DPP10: variants seen among roughly 807,000 people sequenced by gnomAD.
DPP10 encodes the protein inactive dipeptidyl peptidase 10.
In DPP10, 33 loss-of-function variants were observed where a neutral mutation model predicts 120.9. The observed-to-expected ratio is 0.27, with a 90% CI of 0.21 to 0.37. The LOEUF is 0.37. Among genes scored for constraint, DPP10 ranks in the 10% least tolerant of loss-of-function variants. DPP10 has a pLI of 1.00. For missense variants in DPP10, 816 were observed against 942.8 expected, an observed-to-expected ratio of 0.87 and a Z score of 1.76; for synonymous variants, 337 against 326.1, an observed-to-expected ratio of 1.03 and a Z score of -0.36.
intron 1 of DPP10, among the ~76,000 whole-genome samples, chr2:115,024,890 C>T (rs1703350401): frequency 6.8e-6 from 1 of 147,484 alleles, no homozygotes; most frequent in African/African-American, 2.5e-5. Flanking sequence ...TTCCAATTAC[C>T]CTAATTTCAT....
At position 115,739,270 on chromosome 2, in the gene DPP10, A is replaced by G. The variant is rs950924213; in HGVS notation, c.698-469A>G. On this transcript the variant is annotated intron_variant, in intron 8 of 25. Transcript: ENST00000410059. The stretch of plus-strand genomic sequence containing the variant: ...CAAAAAAGTGGATAGTGGATCTTGA[A>G]TTAAATGAAAGATACCCAGTATACT... 1.3e-4 allele frequency among the ~76,000 whole-genome samples: 20 copies of G among 152,190 alleles called. No homozygotes were observed. The East Asian group carries it at 3.7e-3, about 28-fold the overall frequency.
chr2:115,228,590 A>ATTT (rs1442795859), intron 1 of DPP10, among the ~76,000 whole-genome samples: 45 of 150,122 alleles, frequency 3.0e-4, no homozygotes, highest in African/African-American at 6.6e-4. Context: ...TTTTTTTTTA[A>ATTT]AAAATTTAGT....
intron 19 of DPP10, among the ~76,000 whole-genome samples, chr2:115,803,086 A>C (rs13382812): frequency 2.0e-3 from 298 of 152,256 alleles, no homozygotes; most frequent in African/African-American, 6.8e-3. Flanking sequence ...GTAGGTCACT[A>C]AGGACTTGCT....
intron 3 of DPP10, among the ~76,000 whole-genome samples, chr2:115,467,532 A>G (rs556923758): frequency 6.6e-6 from 1 of 151,660 alleles, no homozygotes; most frequent in South Asian, 2.1e-4. Context: ...AGCCGAGATC[A>G]CACCATTGCA....
In DPP10 at chr2:115,266,616, G is replaced by A. The variant is rs147781698; in HGVS notation, c.61-42623G>A. On this transcript the variant is annotated intron_variant, in intron 1 of 25. Transcript: ENST00000410059. ...ATTCCAAGCATCCAATGTATGTTGC[G>A]TTTATCCCATATGATTTTGTCCAGA... Among the ~76,000 whole-genome samples the A allele has an allele frequency of 5.0e-4, 76 of 152,186 alleles. 1 individual carries two copies. Among genetic ancestry groups the A allele is most frequent in the Middle Eastern group, 3.4e-3 (1 of 294 alleles).
chr2:114,692,114 G>T (rs1029421508), intron 1 of DPP10, among the ~76,000 whole-genome samples: 1 of 151,686 alleles, frequency 6.6e-6, no homozygotes, highest in Non-Finnish European at 1.5e-5. Context: ...GTTATTTCTT[G>T]TCTTTTCCAG....
intron 1 of DPP10, among the ~76,000 whole-genome samples, chr2:114,947,929 T>C (rs957083666): frequency 6.6e-6 from 1 of 152,044 alleles, no homozygotes; most frequent in African/African-American, 2.4e-5. Context: ...CCACCTTATC[T>C]TTTTGTTTCT....
chr2:114,622,816 G>A (rs62165208), intron 1 of DPP10, among the ~76,000 whole-genome samples: 3,642 of 152,224 alleles, frequency 0.024, 68 homozygotes, highest in Middle Eastern at 0.037. Context: ...AAAAGCAAAT[G>A]TCAAGTGACA....
chr2:115,732,535 G>T (rs989353513), intron 8 of DPP10, among the ~76,000 whole-genome samples: 6 of 152,046 alleles, frequency 3.9e-5, no homozygotes, highest in Non-Finnish European at 8.8e-5. Flanking sequence ...CACAAAACAC[G>T]TATAATGTTA....
In DPP10 at chr2:115,037,877, A is replaced by G. The variant is rs76705274; in HGVS notation, c.61-271362A>G. Among the ~76,000 whole-genome samples the G allele has an allele frequency of 5.9e-5, 9 of 152,282 alleles. No homozygotes were observed. In the East Asian group the frequency reaches 1.7e-3, roughly 29 times the overall value. ...AAAGAGTAATAATCTAGTCTATATGATTTCTGGAGCCAACCATATAATGAT... is the reference window on the plus strand; with the variant it reads ...AAAGAGTAATAATCTAGTCTATATGGTTTCTGGAGCCAACCATATAATGAT... On this transcript the variant is annotated intron_variant, in intron 1 of 25. Transcript: ENST00000410059.
intron 1 of DPP10, among the ~76,000 whole-genome samples, chr2:115,229,454 A>G (rs1286558923): frequency 1.3e-5 from 2 of 152,104 alleles, no homozygotes; most frequent in Non-Finnish European, 2.9e-5. Flanking sequence ...TTTGCCAACT[A>G]CAATGTCCTG....
chr2:115,055,708 A>G (rs1354908484), intron 1 of DPP10, among the ~76,000 whole-genome samples: 1 of 152,174 alleles, frequency 6.6e-6, no homozygotes, highest in African/African-American at 2.4e-5. Context: ...AACGGGCATC[A>G]TTTGTCTGCC....
chr2:115,013,793 A>G (rs1265013981), intron 1 of DPP10, among the ~76,000 whole-genome samples: 1 of 152,130 alleles, frequency 6.6e-6, no homozygotes, highest in Non-Finnish European at 1.5e-5. Context: ...AGAAAAGCTA[A>G]CTATCCTAAA....
At chr2:115,739,094 C>T (rs1441273801) in intron 8 of DPP10, among the ~76,000 whole-genome samples, 1 of 152,022 alleles carries the variant, frequency 6.6e-6, no homozygotes, top group Non-Finnish European at 1.5e-5. Flanking sequence ...CACAGCCAGC[C>T]TGAGGTAACA....
chr2:114,875,913 A>T (rs964950196), intron 1 of DPP10, among the ~76,000 whole-genome samples: 1 of 152,162 alleles, frequency 6.6e-6, no homozygotes, highest in South Asian at 2.1e-4. Flanking sequence ...CTGTATGTTT[A>T]GTGGAATGTG....
At chr2:114,589,067 T>C (rs1691246353) in intron 1 of DPP10, among the ~76,000 whole-genome samples, 1 of 151,682 alleles carries the variant, frequency 6.6e-6, no homozygotes, top group Admixed American at 6.6e-5. Flanking sequence ...GTACTGTTTA[T>C]AAAAACTGGA....
intron 1 of DPP10, among the ~76,000 whole-genome samples, chr2:114,753,029 G>A (rs1017077144): frequency 1.3e-5 from 2 of 152,104 alleles, no homozygotes; most frequent in Non-Finnish European, 2.9e-5. Context: ...ACAGAGTGGG[G>A]ACACACACTT....
chr2:115,006,362 T>A (rs1055828448), intron 1 of DPP10, among the ~76,000 whole-genome samples: 2 of 151,138 alleles, frequency 1.3e-5, no homozygotes, highest in African/African-American at 4.9e-5. Flanking sequence ...AATTCACACA[T>A]AACACTATTA....
intron 1 of DPP10, among the ~76,000 whole-genome samples, chr2:114,939,278 G>T (rs182687496): frequency 5.9e-5 from 9 of 152,040 alleles, no homozygotes; most frequent in Non-Finnish European, 7.4e-5. Flanking sequence ...TGAAAGGGGG[G>T]GGTGGTTAGG....
Sources: gnomAD v4.1 joint callset for allele counts (sites outside exome capture counted in the v4.1 genomes callset) on GRCh38, gnomAD v4.1.1 for gene constraint, MANE v1.5 for transcripts, NCBI Gene and HGNC (gene_info 2026-07-23, HGNC 2026-07-21) for gene names.